Variants in CWF19L2 observed in about 807,000 individuals in gnomAD.
The protein encoded by CWF19L2 is CWF19-like protein 2.
In CWF19L2, 98 loss-of-function variants were observed where a neutral mutation model predicts 111.7. That is an observed-to-expected ratio of 0.88 (90% CI 0.75 to 1.04). CWF19L2 has a LOEUF of 1.04. CWF19L2 is among the 50% of genes least tolerant of loss of function. The pLI is 0.00. For missense variants in CWF19L2, 1,101 were observed against 1,051.4 expected (o/e 1.05, Z -0.65); for synonymous variants, 351 against 342.9 (o/e 1.02, Z -0.26).
chr11:107,439,586 T>C (rs538674717), intron 5 of CWF19L2, among the ~76,000 whole-genome samples: 1 of 152,206 alleles, frequency 6.6e-6, no homozygotes, highest in South Asian at 2.1e-4. Flanking sequence ...AAGTAATATG[T>C]GCAGTCCAAG....
intron 17 of CWF19L2, among the ~76,000 whole-genome samples, chr11:107,328,649 C>A (rs77861773): frequency 0.014 from 2,071 of 152,256 alleles, 41 homozygotes; most frequent in African/African-American, 0.046. Context: ...GAAGAAAGGG[C>A]AATCTCCCAG....
intron 16 of CWF19L2, among the ~76,000 whole-genome samples, chr11:107,332,793 C>T (rs1258505105): frequency 6.6e-6 from 1 of 152,074 alleles, no homozygotes; most frequent in Non-Finnish European, 1.5e-5. Context: ...GTACTCTTCT[C>T]ATTCTTACTT....
intron 7 of CWF19L2, among the ~76,000 whole-genome samples, chr11:107,431,311 GCACCAA>G (rs1251147948): frequency 2.0e-4 from 30 of 151,736 alleles, no homozygotes; most frequent in African/African-American, 7.2e-4. Context: ...TGGCCGACCA[GCACCAA>G]CACCAAGTCA....
chr11:107,398,198 A>C (rs780995325), intron 10 of CWF19L2, among the ~76,000 whole-genome samples: 12 of 147,260 alleles, frequency 8.1e-5, no homozygotes, highest in Non-Finnish European at 1.6e-4. Flanking sequence ...TTCTAACCTG[A>C]AAAAGAATTC....
chr11:107,454,900 C>A (rs1465488182), intron 2 of CWF19L2, among the ~76,000 whole-genome samples: 1 of 152,070 alleles, frequency 6.6e-6, no homozygotes, highest in Non-Finnish European at 1.5e-5. Context: ...TATACACACA[C>A]AAACACACAT....
chr11:107,443,059 T>C lies in CWF19L2; in HGVS notation c.340-10A>G. 2 of 1,501,042 alleles carry C rather than the reference T, an allele frequency of 1.3e-6. No individual in the cohort carries two copies. The highest frequency in any genetic ancestry group is 1.8e-6 in the Non-Finnish European group (2 of 1,100,552). The allele number at this position is 1,501,042 out of a possible 1,614,324, so 93.0% of individuals were successfully genotyped here. Reference sequence around the variant, plus strand: ...ACTCATCTTCAGAGCTCTAAGAACATTTAGCATATAAGTGAAATTGTCAAA... The same window carrying C: ...ACTCATCTTCAGAGCTCTAAGAACACTTAGCATATAAGTGAAATTGTCAAA... On this transcript the variant is annotated splice_polypyrimidine_tract_variant and intron_variant, in intron 3 of 17. Transcript: ENST00000282251.
intron 3 of CWF19L2, among the ~76,000 whole-genome samples, chr11:107,450,011 C>CA (rs1436456846): frequency 6.7e-6 from 1 of 149,674 alleles, no homozygotes; most frequent in Non-Finnish European, 1.5e-5. Flanking sequence ...TTAGAGAGCA[C>CA]AAAAAACATC....
intron 10 of CWF19L2, among the ~76,000 whole-genome samples, chr11:107,414,175 T>C (rs2135396176): frequency 6.6e-6 from 1 of 152,048 alleles, no homozygotes; most frequent in South Asian, 2.1e-4. Context: ...AGGATTTTGT[T>C]TTTAGTGTTT....
intron 3 of CWF19L2, among the ~76,000 whole-genome samples, chr11:107,447,772 G>A (rs1209272655): frequency 6.6e-6 from 1 of 152,022 alleles, no homozygotes; most frequent in African/African-American, 2.4e-5. Flanking sequence ...AAAGTTACTA[G>A]ACATTCAAAG....
In CWF19L2 at chr11:107,429,391, C is replaced by T; in HGVS notation, c.841G>A (p.Asp281Asn). 6.3e-7 allele frequency: 1 copy of T among 1,583,860 alleles called. No individual in the cohort carries two copies. Among genetic ancestry groups the T allele is most frequent in the Non-Finnish European group, 8.6e-7 (1 of 1,163,766 alleles). Residue 281 changes from aspartate (D) to asparagine (N), a missense_variant, in exon 8 of 18, where the codon GAT (aspartate) becomes AAT (asparagine). Transcript: ENST00000282251. Reference sequence around the variant, plus strand: ...TTCCTCCACCGTTCCCGTCTATAATCTTCTTTCGTGGATGCAGCTTTTTCA... The same window carrying T: ...TTCCTCCACCGTTCCCGTCTATAATTTTCTTTCGTGGATGCAGCTTTTTCA... ...DAEKAASTKE[D>N]YRRERWRKPT...
chr11:107,442,788 AAGGAAGGGAGGGAGGGAGGGAGGG>A (rs1389044589), intron 4 of CWF19L2, 127 bp downstream of exon 4: 26 of 219,758 alleles, frequency 1.2e-4, no homozygotes, highest in South Asian at 4.5e-4. Context: ...GGAAGGAAGG[AAGGAAGGGAGGGAGGGAGGGAGGG>A]AGGGAGGGGG....
intron 14 of CWF19L2, among the ~76,000 whole-genome samples, chr11:107,339,758 C>G (rs1427925736): frequency 6.6e-6 from 1 of 151,178 alleles, no homozygotes; most frequent in African/African-American, 2.4e-5. Context: ...CTCTGCCTCC[C>G]AGGTTCGGGT....
Position 107,327,007 on chromosome 11 carries a change from T to C in CWF19L2, c.2588A>G (p.Lys863Arg). The C allele has an allele frequency of 6.2e-7, 1 of 1,612,132 alleles. No homozygotes were observed. The highest frequency in any genetic ancestry group is 2.2e-5 in the East Asian group (1 of 44,720). Residue 863 changes from lysine to arginine, a missense_variant, in exon 18 of 18, where the codon AAA becomes AGA. Transcript: ENST00000282251. ...MLDIEPRLWR[K>R]GIRESFEDQR... is the part of the protein sequence containing the mutation. The stretch of plus-strand genomic sequence containing the variant: ...ATCCTCAAAGCTTTCTCGGATGCCT[T>C]TCCTCCAAAGTCTTGGTTCTATATC...
At chr11:107,399,266 A>T (rs113916922) in intron 10 of CWF19L2, among the ~76,000 whole-genome samples, 1 of 152,224 alleles carries the variant, frequency 6.6e-6, no homozygotes, top group African/African-American at 2.4e-5. Context: ...TCCACTTAAA[A>T]GATACGGAAT....
chr11:107,441,443 T>A (rs1366246972), intron 5 of CWF19L2, 60 bp downstream of exon 5: 2 of 1,367,186 alleles, frequency 1.5e-6, no homozygotes, highest in African/African-American at 1.5e-5. Context: ...TTTATATAAA[T>A]GTCTTGTAAG....
intron 14 of CWF19L2, among the ~76,000 whole-genome samples, chr11:107,344,909 G>A (rs1465022115): frequency 2.6e-5 from 4 of 152,096 alleles, no homozygotes; most frequent in Non-Finnish European, 5.9e-5. Flanking sequence ...AGAAGTTCAG[G>A]TTCCCAACTC....
At chr11:107,360,080 T>C (rs922699466) in intron 12 of CWF19L2, among the ~76,000 whole-genome samples, 7 of 152,214 alleles carry the variant, frequency 4.6e-5, no homozygotes, top group African/African-American at 1.7e-4. Context: ...ATTGCATCCA[T>C]TAAGTAATTT....
At chr11:107,437,377 T>C (rs1391357679) in intron 6 of CWF19L2, among the ~76,000 whole-genome samples, 1 of 152,158 alleles carries the variant, frequency 6.6e-6, no homozygotes, top group Admixed American at 6.5e-5. Flanking sequence ...TCTAGTCCTT[T>C]AACAATAACA....
At position 107,390,095 on chromosome 11, in the gene CWF19L2, G is replaced by GAGCT. The variant is rs1196125971; in HGVS notation, c.1847_1850dup (p.Phe618AlafsTer8). 4.3e-6 allele frequency: 7 copies of GAGCT among 1,612,666 alleles called. No homozygotes were observed. Among genetic ancestry groups the GAGCT allele is most frequent in the Non-Finnish European group, 5.9e-6 (7 of 1,179,428 alleles). On this transcript the variant is annotated frameshift_variant, in exon 12 of 18. Transcript: ENST00000282251. LOFTEE classifies it high-confidence loss of function. ...TTACCTTAGATGCCATTCTCATAAA[G>GAGCT]AGCTTGTTTTGATTTTCTGCTGTTC...
Sources: gnomAD v4.1 joint callset for allele counts (sites outside exome capture counted in the v4.1 genomes callset) on GRCh38, gnomAD v4.1.1 for gene constraint, MANE v1.5 for transcripts, NCBI Gene and HGNC (gene_info 2026-07-23, HGNC 2026-07-21) for gene names.